Variants in DPYSL2 observed in about 807,000 individuals in gnomAD.
DPYSL2 encodes the protein dihydropyrimidinase-related protein 2.
DPYSL2 carries 13 observed loss-of-function variants against 69.9 expected under a neutral mutation model. The observed-to-expected ratio is 0.19, with a 90% CI of 0.12 to 0.30. The LOEUF is 0.30. Among genes scored for constraint, DPYSL2 ranks in the 10% least tolerant of loss-of-function variants. DPYSL2 has a pLI of 1.00. For missense variants in DPYSL2, 587 were observed against 918.9 expected (o/e 0.64, Z 4.67); for synonymous variants, 326 against 359.1 (o/e 0.91, Z 1.04).
chr8:26,529,268 CTATCTATCATCT>C lies in DPYSL2; in HGVS notation c.354+14590_354+14601del, dbSNP rs1446424258. 1.6e-4 allele frequency among the ~76,000 whole-genome samples: 24 copies of C among 148,918 alleles called. 1 individual carries two copies. The highest frequency in any genetic ancestry group is 3.0e-4 in the African/African-American group (12 of 40,070). ...TCTATCTATCTATCTATCTATCTAT[CTATCTATCATCT>C]ATCTATCTATCTATCTATCTATCAT... On this transcript the variant is annotated intron_variant, in intron 1 of 13. Transcript: ENST00000521913.
intron 1 of DPYSL2, among the ~76,000 whole-genome samples, chr8:26,529,265 T>TATC (rs1289156939): frequency 7.3e-4 from 109 of 148,850 alleles, no homozygotes; most frequent in African/African-American, 2.7e-3. Context: ...TCTATCTATC[T>TATC]ATCTATCTAT....
rs1299614729 is a variant in DPYSL2 at position 26,514,256 on chromosome 8, C to T, written c.-70C>T. On this transcript the variant is annotated 5_prime_UTR_variant, in exon 1 of 14. Transcript: ENST00000521913. This position sits in a 1 kb window ranked among gnomAD's most constrained non-coding sequence, Gnocchi z 8.4. ...GCAGCAGCTAGGGGGCTTGTGCACA[C>T]AGCGAGGGAGACTTAGGGACTGGCA... 3.0e-6 allele frequency: 4 copies of T among 1,335,886 alleles called. No homozygotes were observed. Among genetic ancestry groups the T allele is most frequent in the Non-Finnish European group, 3.9e-6 (4 of 1,020,692 alleles). The allele number at this position is 1,335,886 out of a possible 1,614,324, so 82.8% of individuals were successfully genotyped here.
intron 7 of DPYSL2, among the ~76,000 whole-genome samples, chr8:26,629,008 G>C (rs549940287): frequency 1.3e-5 from 2 of 152,286 alleles, no homozygotes; most frequent in African/African-American, 2.4e-5. Context: ...GGTGCAGGAG[G>C]GGGTGGTTGG....
intron 1 of DPYSL2, among the ~76,000 whole-genome samples, chr8:26,536,778 A>G (rs965265385): frequency 4.6e-5 from 7 of 152,238 alleles, no homozygotes; most frequent in African/African-American, 1.7e-4. Context: ...AGGAATCTGT[A>G]AGTAAGTCTT....
At chr8:26,589,153 C>T (rs1801667275) in intron 3 of DPYSL2, among the ~76,000 whole-genome samples, 1 of 152,184 alleles carries the variant, frequency 6.6e-6, no homozygotes, top group Non-Finnish European at 1.5e-5. Flanking sequence ...CTGCCCCAGC[C>T]CAGACTTGCA....
At chr8:26,578,369 AAGGAGGGG>A in intron 1 of DPYSL2, 1 of 1,597,226 alleles carries the variant, frequency 6.3e-7, no homozygotes, top group Non-Finnish European at 8.5e-7. Flanking sequence ...AATTTTTAAA[AAGGAGGGG>A]AAAGGAGAGG....
At chr8:26,575,756 G>GA (rs1801316603) in intron 1 of DPYSL2, among the ~76,000 whole-genome samples, 3 of 152,176 alleles carry the variant, frequency 2.0e-5, no homozygotes, top group African/African-American at 7.2e-5. Context: ...AAACAACAGG[G>GA]ACGGGGGTAG....
chr8:26,529,269 TATCTATC>T (rs1429530288), intron 1 of DPYSL2, among the ~76,000 whole-genome samples: 2 of 148,686 alleles, frequency 1.3e-5, no homozygotes, highest in South Asian at 2.1e-4. Flanking sequence ...TCTATCTATC[TATCTATC>T]ATCTATCTAT....
Position 26,656,449 on chromosome 8 carries a change from T to C in DPYSL2, c.*743T>C, listed in dbSNP as rs1786662776. On this transcript the variant is annotated 3_prime_UTR_variant, in exon 14 of 14. Coordinates refer to ENST00000521913, the MANE Select transcript of DPYSL2 (RefSeq NM_001197293.3). Reference sequence around the variant, plus strand: ...AATCCTTTGAGGATTCTCTTCTCTTTTACCATTTTTCTGCGTGCTCTCACT... The same window carrying C: ...AATCCTTTGAGGATTCTCTTCTCTTCTACCATTTTTCTGCGTGCTCTCACT... 6.6e-6 allele frequency: 1 copy of C among 152,560 alleles called. No homozygotes were observed. Among genetic ancestry groups the C allele is most frequent in the African/African-American group, 2.4e-5 (1 of 41,434 alleles). 9.5% of individuals were successfully genotyped at this position (152,560 alleles called of 1,614,324 possible). A position where few individuals can be genotyped will look rare whatever the true frequency, so the allele number is the denominator to read the frequency against.
At chr8:26,548,612 G>C (rs1470024437) in intron 1 of DPYSL2, 1 of 152,114 alleles carries the variant, frequency 6.6e-6, no homozygotes, top group Non-Finnish European at 1.5e-5. Context: ...GCCATGTGTG[G>C]TGGCTTATGT....
chr8:26,563,756 AG>A (rs1763253095), intron 1 of DPYSL2, among the ~76,000 whole-genome samples: 1 of 152,220 alleles, frequency 6.6e-6, no homozygotes, highest in Admixed American at 6.5e-5. Flanking sequence ...CCCTTGTAGA[AG>A]GTAACTTCCA....
intron 1 of DPYSL2, among the ~76,000 whole-genome samples, chr8:26,554,293 C>T (rs1800911165): frequency 6.6e-6 from 1 of 151,234 alleles, no homozygotes; most frequent in African/African-American, 2.4e-5. Flanking sequence ...AGCTTTTTTT[C>T]ACATGCTTTT....
intron 1 of DPYSL2, among the ~76,000 whole-genome samples, chr8:26,549,463 T>C (rs1800837732): frequency 6.6e-6 from 1 of 151,928 alleles, no homozygotes; most frequent in South Asian, 2.1e-4. Context: ...AAAGGTGATA[T>C]CAGAGGGAGC....
chr8:26,628,832 C>T (rs1461940177), intron 7 of DPYSL2, among the ~76,000 whole-genome samples: 1 of 152,166 alleles, frequency 6.6e-6, no homozygotes, highest in Non-Finnish European at 1.5e-5. Flanking sequence ...CAAGAGCTCC[C>T]TGCAGGGCTG....
chr8:26,617,741 G>A lies in DPYSL2; in HGVS notation c.629-6402G>A, dbSNP rs1173184846. Among the ~76,000 whole-genome samples, 1 of 152,158 alleles carries A rather than the reference G, an allele frequency of 6.6e-6. No homozygotes were observed. The highest frequency in any genetic ancestry group is 1.5e-5 in the Non-Finnish European group (1 of 68,026). On this transcript the variant is annotated intron_variant, in intron 3 of 13. Transcript: ENST00000521913. This position sits in a 1 kb window ranked among gnomAD's most constrained non-coding sequence, Gnocchi z 4.7. The stretch of plus-strand genomic sequence containing the variant: ...TGATGCCAAGTGAAAGCAGACAGAC[G>A]CACAAGACTACATCTTTTATGATTC...
At chr8:26,622,090 T>TTCCTTCCTTCC (rs1563413218) in intron 3 of DPYSL2, among the ~76,000 whole-genome samples, 72 of 64,442 alleles carry the variant, frequency 1.1e-3, no homozygotes, top group East Asian at 2.9e-3. Context: ...TCTTTCTTTC[T>TTCCTTCCTTCC]TTCCTTCCTT....
chr8:26,628,271 C>T (rs61623932), intron 7 of DPYSL2, among the ~76,000 whole-genome samples: 3,235 of 152,300 alleles, frequency 0.021, 104 homozygotes, highest in African/African-American at 0.072. Context: ...TTATGGTCTC[C>T]AATATCTTAC....
intron 10 of DPYSL2, among the ~76,000 whole-genome samples, chr8:26,646,610 T>C (rs1432089846): frequency 6.6e-6 from 1 of 151,912 alleles, no homozygotes; most frequent in East Asian, 1.9e-4. Context: ...GGATTTAGAG[T>C]GGGTTTGGGA....
At position 26,564,773 on chromosome 8, in the gene DPYSL2, TAA is replaced by T. The variant is rs35515244; in HGVS notation, c.355-17191_355-17190del. 2.4e-3 allele frequency among the ~76,000 whole-genome samples: 348 copies of T among 145,092 alleles called. 1 individual carries two copies. The highest frequency in any genetic ancestry group is 6.9e-3 in the African/African-American group (279 of 40,522). On this transcript the variant is annotated intron_variant, in intron 1 of 13. Transcript: ENST00000521913. This position sits in a 1 kb window ranked among gnomAD's most constrained non-coding sequence, Gnocchi z 4.8. ...TTTCTTTTTAAAAGAATTTTTTTTT[TAA>T]AAAATTTCAATAGCTTTTGGGATAC...
Sources: gnomAD v4.1 joint callset for allele counts (sites outside exome capture counted in the v4.1 genomes callset) on GRCh38, gnomAD v4.1.1 for gene constraint, Gnocchi (gnomAD v3.1) non-coding constraint, MANE v1.5 for transcripts, NCBI Gene and HGNC (gene_info 2026-07-23, HGNC 2026-07-21) for gene names.